Variants in ELOVL6 observed in about 807,000 individuals in gnomAD.
ELOVL6 encodes the protein ELOVL fatty acid elongase 6.
Under a neutral mutation model 31.7 loss-of-function variants are expected in ELOVL6, and 8 were observed. That is an observed-to-expected ratio of 0.25 (90% CI 0.15 to 0.45). ELOVL6 has a LOEUF of 0.45. Among genes scored for constraint, ELOVL6 ranks in the 20% least tolerant of loss-of-function variants. The pLI is 1.00. For missense variants in ELOVL6, 126 were observed against 326.4 expected, an observed-to-expected ratio of 0.39 and a Z score of 4.73; for synonymous variants, 101 against 117.7, an observed-to-expected ratio of 0.86 and a Z score of 0.92.
At chr4:110,194,122 C>T (rs1759707122) in intron 1 of ELOVL6, among the ~76,000 whole-genome samples, 2 of 152,200 alleles carry the variant, frequency 1.3e-5, no homozygotes, top group South Asian at 2.1e-4. Flanking sequence ...AATTATATGT[C>T]GCCTTAGCAA....
chr4:110,131,890 GA>G (rs146940140), intron 1 of ELOVL6, among the ~76,000 whole-genome samples: 7,905 of 152,080 alleles, frequency 0.052, 336 homozygotes, highest in East Asian at 0.18. Flanking sequence ...GAGGATAGGG[GA>G]AAAAAATAAA....
intron 2 of ELOVL6, among the ~76,000 whole-genome samples, chr4:110,061,906 A>T (rs1755154107): frequency 6.6e-6 from 1 of 152,170 alleles, no homozygotes; most frequent in African/African-American, 2.4e-5. Flanking sequence ...GATCCAAAGA[A>T]TGTATGCTTG....
Position 110,107,291 on chromosome 4 carries a change from T to C in ELOVL6, c.90-1663A>G, listed in dbSNP as rs567113066. 1.1e-4 allele frequency among the ~76,000 whole-genome samples: 16 copies of C among 152,288 alleles called. No homozygotes were observed. In the South Asian group the frequency reaches 3.3e-3, roughly 32 times the overall value. On this transcript the variant is annotated intron_variant, in intron 1 of 3. Transcript: ENST00000302274. ...ATCACTTTCACTGAGGTTTACAGAC[T>C]CTTCTCTTGGGCCCACAAGACCTGG...
intron 1 of ELOVL6, among the ~76,000 whole-genome samples, chr4:110,182,577 C>T (rs750517681): frequency 3.9e-4 from 60 of 152,262 alleles, no homozygotes; most frequent in Admixed American, 7.2e-4. Context: ...ACACCACCCA[C>T]ATATACCCAG....
rs1560820596 is a variant in ELOVL6 at position 110,094,425 on chromosome 4, ATATATATATATATATAT to A, written c.221+11055_221+11071del. Among the ~76,000 whole-genome samples, 33 of 65,542 alleles carry A rather than the reference ATATATATATATATATAT, an allele frequency of 5.0e-4. 1 individual carries two copies. Among genetic ancestry groups the A allele is most frequent in the African/African-American group, 9.4e-4 (18 of 19,204 alleles). The allele number at this position is 65,542 out of a possible 152,430, so 43.0% of individuals were successfully genotyped here. ...AAGAAATATATATATATATATATATATATATATATATATATATAATATATATAACATAATATATATTA... is the reference window on the plus strand; with the variant it reads ...AAGAAATATATATATATATATATATAAATATATATAACATAATATATATTA... On this transcript the variant is annotated intron_variant, in intron 2 of 3. Transcript: ENST00000302274.
At chr4:110,066,637 C>CA (rs1209180349) in intron 2 of ELOVL6, among the ~76,000 whole-genome samples, 8,148 of 56,524 alleles carry the variant, frequency 0.14, 960 homozygotes, top group Non-Finnish European at 0.2. Flanking sequence ...TCTGTCTCAA[C>CA]AAAAAAAAAA....
Position 110,059,704 on chromosome 4 carries a change from G to T in ELOVL6, c.272C>A (p.Thr91Asn). Residue 91 changes from threonine (T) to asparagine (N), a missense_variant, in exon 3 of 4, where the codon ACC becomes AAC. Transcript: ENST00000302274. ...TGAYMVYILM[T>N]KGLKQSVCDQ... ...ACAAACTGACTGCTTCAGGCCTTTG[G>T]TCATCAAAATGTACACCATATAAGC... 6.2e-7 allele frequency: 1 copy of T among 1,613,970 alleles called. No homozygotes were observed. The highest frequency in any genetic ancestry group is 8.5e-7 in the Non-Finnish European group (1 of 1,179,936).
chr4:110,180,573 T>G (rs1199741464), intron 1 of ELOVL6, among the ~76,000 whole-genome samples: 3 of 152,182 alleles, frequency 2.0e-5, no homozygotes, highest in Non-Finnish European at 1.5e-5. Context: ...TTATTTTTAT[T>G]TTTTTAATAA....
intron 2 of ELOVL6, among the ~76,000 whole-genome samples, chr4:110,064,866 G>T (rs549815516): frequency 7.9e-5 from 12 of 152,182 alleles, no homozygotes; most frequent in Non-Finnish European, 1.6e-4. Context: ...ACTAGCTTGT[G>T]AGGCTTTCCT....
chr4:110,169,500 C>T (rs1452166238), intron 1 of ELOVL6, among the ~76,000 whole-genome samples: 1 of 152,048 alleles, frequency 6.6e-6, no homozygotes, highest in East Asian at 1.9e-4. Flanking sequence ...ACCTCAGCCT[C>T]CCAAAGTGCT....
At chr4:110,154,564 T>C (rs1023916807) in intron 1 of ELOVL6, among the ~76,000 whole-genome samples, 2 of 152,202 alleles carry the variant, frequency 1.3e-5, no homozygotes, top group African/African-American at 4.8e-5. Context: ...CTATTTTTAT[T>C]ATTAATAGAG....
chr4:110,062,307 T>C (rs1353000586), intron 2 of ELOVL6, among the ~76,000 whole-genome samples: 3 of 152,170 alleles, frequency 2.0e-5, no homozygotes, highest in Non-Finnish European at 4.4e-5. Context: ...CTCTGAACAA[T>C]AAGGCTAACT....
chr4:110,069,602 T>C (rs1246059322), intron 2 of ELOVL6, among the ~76,000 whole-genome samples: 3 of 152,188 alleles, frequency 2.0e-5, no homozygotes, highest in Admixed American at 6.5e-5. Context: ...CCCTGTTTTA[T>C]AGACAAAGAA....
intron 2 of ELOVL6, among the ~76,000 whole-genome samples, chr4:110,073,474 T>C (rs1309411951): frequency 1.3e-5 from 2 of 152,218 alleles, no homozygotes; most frequent in Admixed American, 6.5e-5. Context: ...TCAGTGGGTA[T>C]TTGTGAGCTA....
intron 1 of ELOVL6, among the ~76,000 whole-genome samples, chr4:110,171,898 C>T (rs1245780960): frequency 6.6e-6 from 1 of 151,928 alleles, no homozygotes. Flanking sequence ...CTATATTGCC[C>T]AGGCTGGTCT....
chr4:110,070,853 C>A (rs142754698), intron 2 of ELOVL6, among the ~76,000 whole-genome samples: 1 of 152,034 alleles, frequency 6.6e-6, no homozygotes, highest in East Asian at 1.9e-4. Context: ...GTACAGCCTG[C>A]GGAACTGTTG....
At chr4:110,187,484 G>A (rs1182554778) in intron 1 of ELOVL6, among the ~76,000 whole-genome samples, 1 of 151,462 alleles carries the variant, frequency 6.6e-6, no homozygotes, top group Non-Finnish European at 1.5e-5. Flanking sequence ...CGAGGCAGGC[G>A]GATCACCTGA....
chr4:110,190,244 T>G (rs922895658), intron 1 of ELOVL6, among the ~76,000 whole-genome samples: 2 of 152,212 alleles, frequency 1.3e-5, no homozygotes, highest in South Asian at 4.1e-4. Flanking sequence ...GTCTTTTTTC[T>G]CCTGTACTTT....
At chr4:110,122,401 C>A (rs1260644563) in intron 1 of ELOVL6, among the ~76,000 whole-genome samples, 1 of 152,022 alleles carries the variant, frequency 6.6e-6, no homozygotes, top group Admixed American at 6.6e-5. Flanking sequence ...TTTGTGGTTT[C>A]TGTTTTGAAA....
Sources: allele counts gnomAD v4.1 joint callset (sites outside exome capture counted in the v4.1 genomes callset), GRCh38; gene constraint gnomAD v4.1.1; transcripts MANE v1.5; gene names NCBI Gene and HGNC (gene_info 2026-07-23, HGNC 2026-07-21).